Variants in NRXN1 observed in about 807,000 individuals in gnomAD.
The protein encoded by NRXN1 is neurexin 1, also known as neurexin-1.
A neutral mutation model predicts 150.9 loss-of-function variants in NRXN1; 39 were observed. The observed-to-expected ratio is 0.26, with a 90% CI of 0.20 to 0.34. The LOEUF (loss-of-function observed/expected upper bound fraction) is 0.34, where lower values mean the gene tolerates loss of function less well. Ranked by LOEUF, NRXN1 falls within the 10% of genes least tolerant of loss-of-function variation. The probability of loss-of-function intolerance (pLI) is 1.00; values close to 1 mark genes in which losing one functional copy is unlikely to be tolerated. For synonymous variants in NRXN1, 924 were observed against 757.0 expected (o/e 1.22, Z -3.62); for missense variants, 1,815 against 1,949.9 (o/e 0.93, Z 1.30).
chr2:50,796,007 G>C (rs1052886406), intron 5 of NRXN1, among the ~76,000 whole-genome samples: 13 of 152,056 alleles, frequency 8.5e-5, no homozygotes, highest in African/African-American at 2.9e-4. Flanking sequence ...TTCAACTAAA[G>C]CCACCAGTCA....
At chr2:50,896,521 C>T (rs1469066500) in intron 5 of NRXN1, among the ~76,000 whole-genome samples, 2 of 152,038 alleles carry the variant, frequency 1.3e-5, no homozygotes, top group Non-Finnish European at 2.9e-5. Context: ...GGGTGGGAGA[C>T]AAGTGGCAGA....
At chr2:50,417,927 T>C (rs1029933444) in intron 17 of NRXN1, among the ~76,000 whole-genome samples, 4 of 151,924 alleles carry the variant, frequency 2.6e-5, no homozygotes, top group Admixed American at 6.6e-5. Context: ...ATATCACATG[T>C]GGATTAAGAA....
chr2:50,518,199 A>G (rs556605674), intron 12 of NRXN1, among the ~76,000 whole-genome samples: 1 of 152,130 alleles, frequency 6.6e-6, no homozygotes, highest in East Asian at 1.9e-4. Flanking sequence ...TTAAATAAAT[A>G]TATTTCTAGA....
intron 8 of NRXN1, among the ~76,000 whole-genome samples, chr2:50,582,018 T>A (rs1044859409): frequency 2.0e-5 from 3 of 152,130 alleles, no homozygotes; most frequent in Non-Finnish European, 2.9e-5. Flanking sequence ...TTTTCTGACA[T>A]AAATAGTCAT....
intron 22 of NRXN1, among the ~76,000 whole-genome samples, chr2:49,923,153 A>C (rs1418893743): frequency 1.3e-5 from 2 of 152,182 alleles, no homozygotes; most frequent in Non-Finnish European, 2.9e-5. Flanking sequence ...TCAGGCACTG[A>C]AATTGATGAT....
chr2:50,404,036 G>A (rs1440660276), intron 17 of NRXN1, among the ~76,000 whole-genome samples: 6 of 152,002 alleles, frequency 3.9e-5, no homozygotes, highest in African/African-American at 1.2e-4. Flanking sequence ...AAAATGAGTG[G>A]ATGGGTATTA....
intron 21 of NRXN1, among the ~76,000 whole-genome samples, chr2:50,047,151 T>C (rs1057158383): frequency 3.9e-5 from 6 of 152,094 alleles, no homozygotes; most frequent in South Asian, 2.1e-4. Flanking sequence ...GATGAGATTC[T>C]GAATAAAGGC....
chr2:50,223,697 A>G (rs1282938061), intron 18 of NRXN1, among the ~76,000 whole-genome samples: 1 of 151,972 alleles, frequency 6.6e-6, no homozygotes, highest in Non-Finnish European at 1.5e-5. Flanking sequence ...AAAATGTCCA[A>G]TCAGCAAGAG....
chr2:50,946,559 A>C (rs1690422367), intron 2 of NRXN1, among the ~76,000 whole-genome samples: 1 of 152,126 alleles, frequency 6.6e-6, no homozygotes, highest in Non-Finnish European at 1.5e-5. Flanking sequence ...CTAAACTTAC[A>C]TTTTTAACCA....
chr2:50,004,485 T>C (rs983744343), intron 21 of NRXN1, among the ~76,000 whole-genome samples: 3 of 152,190 alleles, frequency 2.0e-5, no homozygotes, highest in African/African-American at 4.8e-5. Context: ...TGTAGTTTTC[T>C]TGAGTCTTCT....
At chr2:50,793,380 A>T (rs1475479123) in intron 5 of NRXN1, among the ~76,000 whole-genome samples, 2 of 152,106 alleles carry the variant, frequency 1.3e-5, no homozygotes, top group Non-Finnish European at 2.9e-5. Flanking sequence ...CACTGAGTTA[A>T]AACTACTTAC....
At chr2:50,935,932 G>A (rs532975721) in intron 2 of NRXN1, among the ~76,000 whole-genome samples, 18 of 152,170 alleles carry the variant, frequency 1.2e-4, no homozygotes, top group African/African-American at 4.3e-4. Context: ...TTGAAAGAAT[G>A]CTGGCCTGCT....
chr2:50,044,067 CTA>C (rs1280847476), intron 21 of NRXN1, among the ~76,000 whole-genome samples: 1 of 152,088 alleles, frequency 6.6e-6, no homozygotes, highest in Non-Finnish European at 1.5e-5. Flanking sequence ...GTGCCAGATG[CTA>C]TGCCATGAGC....
chr2:50,208,970 A>G (rs2062817084), intron 18 of NRXN1, among the ~76,000 whole-genome samples: 2 of 152,084 alleles, frequency 1.3e-5, no homozygotes, highest in Admixed American at 1.3e-4. Context: ...AGCAAATGTG[A>G]CATTTTCCTT....
intron 21 of NRXN1, among the ~76,000 whole-genome samples, chr2:50,021,159 A>T (rs1687503143): frequency 6.6e-6 from 1 of 152,208 alleles, no homozygotes; most frequent in African/African-American, 2.4e-5. Flanking sequence ...GGTAAGATGT[A>T]TACGTGATCA....
At chr2:50,156,022 T>C (rs75178614) in intron 18 of NRXN1, among the ~76,000 whole-genome samples, 1,624 of 151,760 alleles carry the variant, frequency 0.011, 29 homozygotes, top group African/African-American at 0.037. Flanking sequence ...TCTAGAATTA[T>C]ATATATATCA....
At chr2:49,960,691 C>A (rs899517362) in intron 21 of NRXN1, among the ~76,000 whole-genome samples, 2 of 152,130 alleles carry the variant, frequency 1.3e-5, no homozygotes, top group African/African-American at 4.8e-5. Context: ...TAAATTAACA[C>A]CACCCTCCCC....
At chr2:50,035,578 T>C (rs1036993188) in intron 21 of NRXN1, among the ~76,000 whole-genome samples, 1 of 152,144 alleles carries the variant, frequency 6.6e-6, no homozygotes, top group African/African-American at 2.4e-5. Flanking sequence ...AGTTCTGCTA[T>C]ATTATTGGCT....
rs922340441 is a variant in NRXN1, at chr2:50,627,392, T to C, written c.833-3777A>G. Among the ~76,000 whole-genome samples the C allele has an allele frequency of 2.0e-3, 240 of 118,390 alleles. 1 individual carries two copies. Among genetic ancestry groups the C allele is most frequent in the African/African-American group, 5.0e-3 (179 of 35,502 alleles). 77.7% of individuals were successfully genotyped at this position (118,390 alleles called of 152,430 possible). On this transcript the variant is annotated intron_variant, in intron 5 of 22. Transcript: ENST00000401669. Reference sequence around the variant, plus strand: ...GTGTGTGTGTGTGTGTGTGTGTGTGTGTGCGCATACTAATAATTATATATG... The same window carrying C: ...GTGTGTGTGTGTGTGTGTGTGTGTGCGTGCGCATACTAATAATTATATATG...
Sources: gnomAD v4.1 joint callset for allele counts (sites outside exome capture counted in the v4.1 genomes callset) on GRCh38, gnomAD v4.1.1 for gene constraint, MANE v1.5 for transcripts, NCBI Gene and HGNC (gene_info 2026-07-23, HGNC 2026-07-21) for gene names.